Variants in SSH2 observed in about 807,000 individuals in gnomAD.
SSH2 encodes protein phosphatase Slingshot homolog 2.
Under a neutral mutation model 135.2 loss-of-function variants are expected in SSH2, and 37 were observed. The observed-to-expected ratio is 0.27, with a 90% CI of 0.21 to 0.36. The LOEUF is 0.36. Ranked by LOEUF, SSH2 falls within the 10% of genes least tolerant of loss-of-function variation. SSH2 has a pLI of 1.00. For synonymous variants in SSH2, 628 were observed against 646.2 expected (o/e 0.97, Z 0.43); for missense variants, 1,408 against 1,765.3 (o/e 0.80, Z 3.63).
chr17:29,891,142 C>T lies in SSH2; in HGVS notation c.63+38796G>A, dbSNP rs1424011833. ...GTTCTAACCATGGACACTTTTGCTACAGTCAGTGTAAGGACCAGCCTGGAT... is the reference window on the plus strand; with the variant it reads ...GTTCTAACCATGGACACTTTTGCTATAGTCAGTGTAAGGACCAGCCTGGAT... On this transcript the variant is annotated intron_variant, in intron 1 of 15. Transcript: ENST00000540801. Among the ~76,000 whole-genome samples the T allele has an allele frequency of 3.3e-5, 5 of 152,216 alleles. No individual in the cohort carries two copies. The East Asian group carries it at 7.7e-4, about 23-fold the overall frequency.
intron 3 of SSH2, chr17:29,761,109 T>A: frequency 7.8e-7 from 1 of 1,287,062 alleles, no homozygotes; most frequent in Non-Finnish European, 1.0e-6. Context: ...GAGCAAACTT[T>A]CTGAGCGTTC....
intron 3 of SSH2, among the ~76,000 whole-genome samples, chr17:29,734,675 A>G (rs1399205588): frequency 2.6e-5 from 4 of 152,226 alleles, no homozygotes; most frequent in Non-Finnish European, 4.4e-5. Flanking sequence ...TTCAAGCACT[A>G]GCAATATTTT....
chr17:29,655,729 A>G (rs1348222410), intron 11 of SSH2, 122 bp from the exon 12 acceptor site: 1 of 796,954 alleles, frequency 1.3e-6, no homozygotes, highest in Non-Finnish European at 2.2e-6. Context: ...GTGCCCTTTA[A>G]GTTGCCAGGC....
chr17:29,825,472 A>G (rs1242143544), intron 2 of SSH2, among the ~76,000 whole-genome samples: 1 of 152,222 alleles, frequency 6.6e-6, no homozygotes, highest in Non-Finnish European at 1.5e-5. Flanking sequence ...GACATGTTTT[A>G]TGTGGCATGA....
At chr17:29,847,426 T>G (rs566671369) in intron 2 of SSH2, among the ~76,000 whole-genome samples, 1 of 152,310 alleles carries the variant, frequency 6.6e-6, no homozygotes, top group African/African-American at 2.4e-5. Flanking sequence ...ATTTCTAATT[T>G]TCATTAATAC....
intron 3 of SSH2, among the ~76,000 whole-genome samples, chr17:29,761,841 A>ATGTGTG (rs1491453124): frequency 6.4e-5 from 9 of 141,228 alleles, no homozygotes; most frequent in African/African-American, 2.6e-4. Context: ...ACTCACATAC[A>ATGTGTG]TATGTGTGTG....
chr17:29,868,009 T>A (rs989951571), intron 1 of SSH2, among the ~76,000 whole-genome samples: 3 of 152,186 alleles, frequency 2.0e-5, no homozygotes, highest in Non-Finnish European at 4.4e-5. Flanking sequence ...AACAAGGTCA[T>A]TTTGTATTCT....
intron 3 of SSH2, among the ~76,000 whole-genome samples, chr17:29,708,761 C>G (rs2039315598): frequency 6.6e-6 from 1 of 151,036 alleles, no homozygotes; most frequent in South Asian, 2.1e-4. Flanking sequence ...TAAATATAAC[C>G]CCGAAGGACT....
chr17:29,765,740 C>T (rs1222472000), intron 3 of SSH2, among the ~76,000 whole-genome samples: 2 of 151,814 alleles, frequency 1.3e-5, no homozygotes, highest in African/African-American at 4.8e-5. Context: ...GGACAAAAGG[C>T]TGGGCATGGT....
rs2037871224 is a variant in SSH2, at chr17:29,679,388, T to G, written c.480-1647A>C. Among the ~76,000 whole-genome samples the G allele has an allele frequency of 2.0e-5, 3 of 151,884 alleles. 1 individual carries two copies. Among genetic ancestry groups the G allele is most frequent in the Admixed American group, 6.6e-5 (1 of 15,230 alleles). ...GTTTCTTGCACTAACTGTATAATCTTTTTTTAAAATTTATTTTTATTTTTT... is the reference window on the plus strand; with the variant it reads ...GTTTCTTGCACTAACTGTATAATCTGTTTTTAAAATTTATTTTTATTTTTT... On this transcript the variant is annotated intron_variant, in intron 6 of 15. Transcript: ENST00000540801.
At chr17:29,701,518 T>C (rs2038982688) in intron 4 of SSH2, among the ~76,000 whole-genome samples, 1 of 144,566 alleles carries the variant, frequency 6.9e-6, no homozygotes, top group South Asian at 2.3e-4. Context: ...CAAGTGACCC[T>C]CCCACCTCAG....
At chr17:29,812,783 G>A (rs1199841651) in intron 2 of SSH2, among the ~76,000 whole-genome samples, 1 of 151,896 alleles carries the variant, frequency 6.6e-6, no homozygotes, top group African/African-American at 2.4e-5. Flanking sequence ...CCAGCTACTC[G>A]GGAGGCTGAG....
At chr17:29,697,676 C>A (rs1273422559) in intron 4 of SSH2, among the ~76,000 whole-genome samples, 1 of 152,028 alleles carries the variant, frequency 6.6e-6, no homozygotes, top group Admixed American at 6.6e-5. Context: ...AAACAACTCC[C>A]CCACCCCAAA....
intron 2 of SSH2, among the ~76,000 whole-genome samples, chr17:29,805,650 C>A (rs1385718128): frequency 6.6e-6 from 1 of 152,084 alleles, no homozygotes; most frequent in African/African-American, 2.4e-5. Context: ...GGCTTTTAAA[C>A]ATTTACTAGC....
intron 5 of SSH2, among the ~76,000 whole-genome samples, chr17:29,694,095 T>C (rs2038614861): frequency 6.6e-6 from 1 of 152,216 alleles, no homozygotes; most frequent in African/African-American, 2.4e-5. Context: ...ATTGTGATTT[T>C]TTTTTTAAGC....
At chr17:29,769,911 A>T (rs940992231) in intron 3 of SSH2, among the ~76,000 whole-genome samples, 3 of 151,988 alleles carry the variant, frequency 2.0e-5, no homozygotes, top group African/African-American at 7.2e-5. Flanking sequence ...AACTCCCCAA[A>T]TACTTCTCTA....
intron 14 of SSH2, chr17:29,641,748 T>A (rs1056935578): frequency 3.3e-5 from 5 of 152,316 alleles, no homozygotes; most frequent in African/African-American, 7.2e-5. Flanking sequence ...CGTCCCATTA[T>A]CTTGCCTCCA....
intron 1 of SSH2, 87 bp from the exon 2 acceptor site, chr17:29,849,016 G>C: frequency 1.2e-6 from 1 of 831,198 alleles, no homozygotes; most frequent in Non-Finnish European, 1.9e-6. Flanking sequence ...CACTGAGTCA[G>C]TGGTGTTAGC....
intron 3 of SSH2, among the ~76,000 whole-genome samples, chr17:29,771,352 C>G (rs1306534668): frequency 6.6e-6 from 1 of 152,222 alleles, no homozygotes; most frequent in Admixed American, 6.5e-5. Flanking sequence ...CTATGCAGGT[C>G]ATAAGCACTA....
Sources: gnomAD v4.1 joint callset for allele counts (sites outside exome capture counted in the v4.1 genomes callset) on GRCh38, gnomAD v4.1.1 for gene constraint, MANE v1.5 for transcripts, NCBI Gene and HGNC (gene_info 2026-07-23, HGNC 2026-07-21) for gene names.